Variants in ADD1 observed in about 807,000 individuals in gnomAD.
ADD1 encodes adducin 1.
In ADD1, 24 loss-of-function variants were observed where a neutral mutation model predicts 80.5. That is an observed-to-expected ratio of 0.30 (90% CI 0.22 to 0.42). The LOEUF (loss-of-function observed/expected upper bound fraction) is 0.42, where lower values mean the gene tolerates loss of function less well. Among genes scored for constraint, ADD1 ranks in the 10% least tolerant of loss-of-function variants. ADD1 has a pLI of 1.00. For synonymous variants in ADD1, 373 were observed against 393.8 expected (o/e 0.95, Z 0.63); for missense variants, 948 against 1,019.0 (o/e 0.93, Z 0.95).
At chr4:2,846,888 C>A (rs1370942790) in intron 1 of ADD1, among the ~76,000 whole-genome samples, 3 of 150,616 alleles carry the variant, frequency 2.0e-5, no homozygotes, top group African/African-American at 7.4e-5. Context: ...GAGGCCGAGG[C>A]GGGCGGATCA....
At chr4:2,854,641 T>C (rs996827324) in intron 1 of ADD1, among the ~76,000 whole-genome samples, 5 of 152,230 alleles carry the variant, frequency 3.3e-5, no homozygotes, top group African/African-American at 1.2e-4. Context: ...CCATTCCGAA[T>C]AAATGCTTTT....
intron 1 of ADD1, among the ~76,000 whole-genome samples, chr4:2,873,653 C>G (rs1730807464): frequency 6.6e-6 from 1 of 152,200 alleles, no homozygotes; most frequent in South Asian, 2.1e-4. Context: ...AATATACCCT[C>G]ATATCCTTTT....
intron 9 of ADD1, chr4:2,901,858 C>A (rs1002915688): frequency 1.0e-4 from 15 of 146,586 alleles, no homozygotes; most frequent in South Asian, 2.2e-4. Flanking sequence ...GTCCCCCCCC[C>A]AAAAAAAATC....
chr4:2,875,351 C>T (rs1731111532), intron 1 of ADD1, among the ~76,000 whole-genome samples: 1 of 152,104 alleles, frequency 6.6e-6, no homozygotes, highest in African/African-American at 2.4e-5. Flanking sequence ...CTGGTACCTG[C>T]CATTGTTCTT....
intron 14 of ADD1, among the ~76,000 whole-genome samples, chr4:2,916,188 A>C (rs561788766): frequency 6.8e-6 from 1 of 148,078 alleles, no homozygotes; most frequent in Non-Finnish European, 1.5e-5. Context: ...TATTATTATT[A>C]TTATTATTAT....
At chr4:2,915,807 CAAA>C (rs1009804696) in intron 14 of ADD1, among the ~76,000 whole-genome samples, 2 of 150,716 alleles carry the variant, frequency 1.3e-5, no homozygotes, top group Non-Finnish European at 3.0e-5. Context: ...CTGGGCATCT[CAAA>C]AAAAAAGAAA....
intron 13 of ADD1, among the ~76,000 whole-genome samples, chr4:2,914,058 C>CAAAAAA (rs775339952): frequency 5.0e-5 from 6 of 120,564 alleles, no homozygotes; most frequent in South Asian, 2.7e-4. Flanking sequence ...GACTCCGTCT[C>CAAAAAA]AAAAAAAAAA....
chr4:2,886,746 C>A lies in ADD1; in HGVS notation c.510+2080C>A, dbSNP rs137902137. 1.1e-3 allele frequency among the ~76,000 whole-genome samples: 169 copies of A among 152,326 alleles called. 1 individual carries two copies. Among genetic ancestry groups the A allele is most frequent in the Admixed American group, 3.6e-3 (55 of 15,296 alleles). The stretch of plus-strand genomic sequence containing the variant: ...ACAAGAGCTCGCTGGGACCTTTTGA[C>A]ATTTGATTGGTGGGTCCAGTTAGCC... On this transcript the variant is annotated intron_variant, in intron 4 of 15. Coordinates refer to ENST00000683351, the MANE Select transcript of ADD1 (RefSeq NM_001354761.2).
intron 14 of ADD1, among the ~76,000 whole-genome samples, chr4:2,923,776 G>C (rs748793497): frequency 5.3e-5 from 8 of 152,248 alleles, no homozygotes; most frequent in Non-Finnish European, 8.8e-5. Context: ...AAGTAACCCT[G>C]AGAGATAGGT....
At chr4:2,896,669 G>A (rs1174286196) in intron 6 of ADD1, among the ~76,000 whole-genome samples, 2 of 151,886 alleles carry the variant, frequency 1.3e-5, no homozygotes, top group African/African-American at 4.8e-5. Flanking sequence ...AAGAATGCAT[G>A]TCACTCCAGC....
At chr4:2,912,715 C>CA (rs1355484584) in intron 13 of ADD1, among the ~76,000 whole-genome samples, 3 of 152,006 alleles carry the variant, frequency 2.0e-5, no homozygotes, top group Non-Finnish European at 2.9e-5. Flanking sequence ...TTTGTAGAGA[C>CA]AAGGTCTCAC....
chr4:2,895,239 G>C (rs540631161), intron 6 of ADD1, among the ~76,000 whole-genome samples: 6 of 152,296 alleles, frequency 3.9e-5, no homozygotes, highest in East Asian at 1.9e-4. Flanking sequence ...CTGGGTGACA[G>C]AGTAAGACCT....
intron 14 of ADD1, among the ~76,000 whole-genome samples, chr4:2,924,973 G>A (rs532034448): frequency 8.5e-5 from 13 of 152,182 alleles, no homozygotes; most frequent in East Asian, 1.9e-4. Flanking sequence ...GTTTCCCCCC[G>A]ATGTGTGAGG....
Position 2,899,284 on chromosome 4 carries a change from G to T in ADD1, c.1010G>T (p.Gly337Val). The change falls in exon 9 of 16, where the codon GGA (glycine) becomes GTA (valine). Residue 337 changes from glycine to valine, a missense_variant. By Grantham distance (109) the Gly-to-Val change is moderately radical. Coordinates refer to ENST00000683351, the MANE Select transcript of ADD1 (RefSeq NM_001354761.2). ...IQVRTLASAG[G>V]PDNLVLLNPE... The stretch of plus-strand genomic sequence containing the variant: ...GTTCGAACTCTGGCCAGTGCAGGAG[G>T]ACCAGACAACTTAGTCCTGCTGAAT... 6.2e-7 allele frequency: 1 copy of T among 1,613,654 alleles called. No homozygotes were observed. Among genetic ancestry groups the T allele is most frequent in the African/African-American group, 1.3e-5 (1 of 75,040 alleles).
intron 1 of ADD1, among the ~76,000 whole-genome samples, chr4:2,859,364 A>G (rs891439982): frequency 2.0e-5 from 3 of 152,230 alleles, no homozygotes; most frequent in Non-Finnish European, 2.9e-5. Flanking sequence ...ATTATAGAAG[A>G]TAGTAGTCTG....
At chr4:2,854,532 C>G (rs1000301310) in intron 1 of ADD1, among the ~76,000 whole-genome samples, 1 of 152,098 alleles carries the variant, frequency 6.6e-6, no homozygotes, top group Admixed American at 6.6e-5. Flanking sequence ...TGAGTTCTAG[C>G]AATTTTTGGT....
At chr4:2,863,136 A>G (rs775366442) in intron 1 of ADD1, among the ~76,000 whole-genome samples, 14 of 151,924 alleles carry the variant, frequency 9.2e-5, no homozygotes, top group Non-Finnish European at 1.6e-4. Flanking sequence ...TACAGCCTCT[A>G]CTAGGCTCAA....
At chr4:2,922,791 A>C (rs924201941) in intron 14 of ADD1, among the ~76,000 whole-genome samples, 3 of 152,192 alleles carry the variant, frequency 2.0e-5, no homozygotes, top group Admixed American at 1.3e-4. Flanking sequence ...TTTATCTATA[A>C]GCCCCTGACT....
chr4:2,924,228 C>T (rs1258796573), intron 14 of ADD1, among the ~76,000 whole-genome samples: 1 of 152,194 alleles, frequency 6.6e-6, no homozygotes, highest in African/African-American at 2.4e-5. Context: ...CCTCACGGAG[C>T]AGGTGGTTTC....
Sources: gnomAD v4.1 joint callset for allele counts (sites outside exome capture counted in the v4.1 genomes callset) on GRCh38, gnomAD v4.1.1 for gene constraint, MANE v1.5 for transcripts, NCBI Gene and HGNC (gene_info 2026-07-23, HGNC 2026-07-21) for gene names.